LINGO2: variants seen among roughly 807,000 people sequenced by gnomAD.
LINGO2 encodes the protein leucine rich repeat and Ig domain containing 2.
Under a neutral mutation model 30.6 loss-of-function variants are expected in LINGO2, and 14 were observed. The observed-to-expected ratio is 0.46, with a 90% CI of 0.30 to 0.72. The LOEUF (loss-of-function observed/expected upper bound fraction) is 0.72, where lower values mean the gene tolerates loss of function less well. Among genes scored for constraint, LINGO2 ranks in the 30% least tolerant of loss-of-function variants. The probability of loss-of-function intolerance (pLI) is 0.07; values close to 1 mark genes in which losing one functional copy is unlikely to be tolerated. For synonymous variants in LINGO2, 317 were observed against 288.5 expected (o/e 1.10, Z -1.00); for missense variants, 729 against 751.7 (o/e 0.97, Z 0.35).
At chr9:29,111,362 G>A in the LINGO2 span, among the ~76,000 whole-genome samples, 22 of 151,862 alleles carry the variant, frequency 1.4e-4, no homozygotes, top group Non-Finnish European at 4.4e-5. Flanking sequence ...TAGTGTTTAC[G>A]GCCCTTTGCT....
chr9:28,588,737 T>A (rs4242669), intron 1 of LINGO2, among the ~76,000 whole-genome samples: 5,560 of 152,024 alleles, frequency 0.037, 128 homozygotes, highest in African/African-American at 0.049. Flanking sequence ...ATTTTATAGT[T>A]CCTTAAATCC....
chr9:28,741,906 G>A, the LINGO2 span, among the ~76,000 whole-genome samples: 1 of 151,714 alleles, frequency 6.6e-6, no homozygotes, highest in Non-Finnish European at 1.5e-5. Flanking sequence ...GGTGCTGAGA[G>A]GCCTTGGGTC....
the LINGO2 span, among the ~76,000 whole-genome samples, chr9:29,161,924 T>G: frequency 2.1e-5 from 3 of 139,670 alleles, no homozygotes; most frequent in African/African-American, 5.5e-5. Flanking sequence ...TTCAGATGTG[T>G]TTTTTTTTTT....
intron 4 of LINGO2, among the ~76,000 whole-genome samples, chr9:28,226,649 AAGAAAGAAAGAAAGAAAGAAAG>A (rs1821167166): frequency 2.1e-5 from 1 of 48,352 alleles, no homozygotes; most frequent in East Asian, 6.7e-4. Flanking sequence ...GAAGGAAAGA[AAGAAAGAAAGAAAGAAAGAAAG>A]AAAGAAAGAA....
intron 2 of LINGO2, among the ~76,000 whole-genome samples, chr9:28,427,359 C>CGGTGTGT (rs928189307): frequency 8.6e-5 from 13 of 152,010 alleles, no homozygotes; most frequent in Non-Finnish European, 1.8e-4. Context: ...TATGAAGGCC[C>CGGTGTGT]GGTGTGTATG....
chr9:28,710,001 A>G, the LINGO2 span, among the ~76,000 whole-genome samples: 6 of 151,370 alleles, frequency 4.0e-5, no homozygotes, highest in Non-Finnish European at 8.8e-5. Flanking sequence ...GAATAATACA[A>G]ATTCTACTAA....
chr9:29,061,084 A>G, the LINGO2 span, among the ~76,000 whole-genome samples: 3 of 152,050 alleles, frequency 2.0e-5, no homozygotes, highest in African/African-American at 7.2e-5. Flanking sequence ...ACACATCATA[A>G]TCAAGCTGGA....
At chr9:28,896,066 C>G in the LINGO2 span, among the ~76,000 whole-genome samples, 1 of 151,974 alleles carries the variant, frequency 6.6e-6, no homozygotes, top group Admixed American at 6.6e-5. Context: ...TTTTAAAGGG[C>G]TCTAACATTT....
intron 3 of LINGO2, among the ~76,000 whole-genome samples, chr9:28,370,334 A>T (rs1318473228): frequency 1.3e-5 from 2 of 152,108 alleles, no homozygotes; most frequent in Non-Finnish European, 2.9e-5. Context: ...CTCCTCACAC[A>T]CATTCCAAAA....
At chr9:28,611,708 C>T (rs1587957864) in intron 1 of LINGO2, among the ~76,000 whole-genome samples, 1 of 152,008 alleles carries the variant, frequency 6.6e-6, no homozygotes, top group African/African-American at 2.4e-5. Flanking sequence ...TTGTTACATA[C>T]AACAGGATTT....
At chr9:28,576,032 G>A (rs564872694) in intron 1 of LINGO2, among the ~76,000 whole-genome samples, 5 of 152,034 alleles carry the variant, frequency 3.3e-5, no homozygotes, top group African/African-American at 4.8e-5. Flanking sequence ...CTGATAAATC[G>A]ATTGTAAGTT....
intron 1 of LINGO2, among the ~76,000 whole-genome samples, chr9:28,579,915 G>C (rs1226432780): frequency 6.6e-6 from 1 of 152,076 alleles, no homozygotes; most frequent in Non-Finnish European, 1.5e-5. Flanking sequence ...AAGCACGAGA[G>C]CACATTACAT....
At chr9:28,924,639 T>C in the LINGO2 span, among the ~76,000 whole-genome samples, 139 of 152,330 alleles carry the variant, frequency 9.1e-4, 1 homozygote, top group African/African-American at 3.2e-3. Context: ...CTATAGATGT[T>C]TGGAAGGGAA....
the LINGO2 span, among the ~76,000 whole-genome samples, chr9:28,818,237 A>T: frequency 0.014 from 2,092 of 152,304 alleles, 37 homozygotes; most frequent in African/African-American, 0.047. Context: ...GTCTAAAAGC[A>T]CAGGTGACCT....
the LINGO2 span, among the ~76,000 whole-genome samples, chr9:28,815,078 G>T: frequency 1.3e-5 from 2 of 152,266 alleles, no homozygotes; most frequent in African/African-American, 4.8e-5. Flanking sequence ...AAATTCTATA[G>T]AGAGGCTGTC....
intron 5 of LINGO2, among the ~76,000 whole-genome samples, chr9:27,960,614 CTT>C (rs540319420): frequency 0.026 from 3,157 of 122,210 alleles, 100 homozygotes; most frequent in African/African-American, 0.08. Flanking sequence ...TGTGGTATAT[CTT>C]TTTTTTTTTT....
At chr9:28,084,920 T>C (rs1230241310) in intron 4 of LINGO2, among the ~76,000 whole-genome samples, 1 of 152,126 alleles carries the variant, frequency 6.6e-6, no homozygotes, top group Non-Finnish European at 1.5e-5. Flanking sequence ...GAGAAGATCT[T>C]TTGCAGGAGC....
intron 4 of LINGO2, among the ~76,000 whole-genome samples, chr9:28,292,755 C>T (rs1439983248): frequency 1.3e-5 from 2 of 151,624 alleles, no homozygotes; most frequent in South Asian, 2.1e-4. Flanking sequence ...TGAGCCACCA[C>T]GCCTGGCCCT....
At chr9:28,740,440 C>T in the LINGO2 span, among the ~76,000 whole-genome samples, 3 of 151,826 alleles carry the variant, frequency 2.0e-5, no homozygotes, top group African/African-American at 7.3e-5. Context: ...TTGACAGAAA[C>T]ATATCTTCCT....
Sources: gnomAD v4.1 joint callset for allele counts (sites outside exome capture counted in the v4.1 genomes callset) on GRCh38, gnomAD v4.1.1 for gene constraint, MANE v1.5 for transcripts, NCBI Gene and HGNC (gene_info 2026-07-23, HGNC 2026-07-21) for gene names.